The following FRMPD4 variants were observed in gnomAD, a reference collection of about 807,000 sequenced individuals.
FRMPD4 encodes the protein FERM and PDZ domain containing 4.
Under a neutral mutation model 94.1 loss-of-function variants are expected in FRMPD4, and 22 were observed. The ratio of observed to expected loss-of-function variants is 0.23; its 90% CI spans 0.17 to 0.33. FRMPD4 has a LOEUF of 0.33. Ranked by LOEUF, FRMPD4 falls within the 10% of genes least tolerant of loss-of-function variation. The probability of loss-of-function intolerance (pLI) is 1.00; values close to 1 mark genes in which losing one functional copy is unlikely to be tolerated. For synonymous variants in FRMPD4, 631 were observed against 548.6 expected, an observed-to-expected ratio of 1.15 and a Z score of -2.10; for missense variants, 1,111 against 1,339.9, an observed-to-expected ratio of 0.83 and a Z score of 2.67.
chrX:12,542,834 A>G (rs1239487919), intron 2 of FRMPD4, among the ~76,000 whole-genome samples: 6 of 112,087 alleles, frequency 5.4e-5, no homozygotes, highest in Non-Finnish European at 9.4e-5. Flanking sequence ...CCTGACTTCA[A>G]ACTATACTAC....
intron 1 of FRMPD4, among the ~76,000 whole-genome samples, chrX:12,390,733 A>G (rs1473967337): frequency 8.9e-6 from 1 of 111,928 alleles, no homozygotes; most frequent in East Asian, 2.8e-4. Context: ...CTGTACTGTG[A>G]TGAGTCACTC....
chrX:12,230,993 AGT>A (rs1431020762), intron 1 of FRMPD4, among the ~76,000 whole-genome samples: 853 of 58,352 alleles, frequency 0.015, 30 homozygotes, highest in African/African-American at 0.03. Flanking sequence ...TAGTATATAT[AGT>A]ATATATAATA....
At chrX:12,314,858 A>G (rs1299122055) in intron 1 of FRMPD4, among the ~76,000 whole-genome samples, 1 of 111,905 alleles carries the variant, frequency 8.9e-6, no homozygotes, top group Non-Finnish European at 1.9e-5. Context: ...ACAGTTGCTA[A>G]ATATAATTGC....
At chrX:12,679,297 G>C (rs11095580) in intron 5 of FRMPD4, among the ~76,000 whole-genome samples, 3 of 110,603 alleles carry the variant, frequency 2.7e-5, no homozygotes, top group Non-Finnish European at 5.7e-5. Flanking sequence ...GGAGACATGC[G>C]GGAAAAAGAA....
At chrX:12,077,069 C>T (rs2055025317) in intron 3 of FRMPD4, among the ~76,000 whole-genome samples, 1 of 111,584 alleles carries the variant, frequency 9.0e-6, no homozygotes, top group South Asian at 3.7e-4. Flanking sequence ...TTTATTAATT[C>T]ATTTTTCTCA....
Position 11,868,394 on chromosome X carries a change from T to A in FRMPD4, c.-30+3178T>A, listed in dbSNP as rs781050999. 1.4e-4 allele frequency among the ~76,000 whole-genome samples: 16 copies of A among 112,127 alleles called. No individual in the cohort carries two copies. In the South Asian group the frequency reaches 5.6e-3, roughly 40 times the overall value. ...TGGAGGCTGGTCCTGGAAATCCTTA[T>A]GGCTCACATCTGGTTATAAGATGAT... On this transcript the variant is annotated intron_variant, in intron 2 of 18. Transcript: ENST00000640291.
chrX:12,092,784 A>C (rs770026117), intron 3 of FRMPD4, among the ~76,000 whole-genome samples: 84 of 111,792 alleles, frequency 7.5e-4, no homozygotes, highest in Non-Finnish European at 1.2e-3. Flanking sequence ...ATCAGGTCAG[A>C]CAAAAGCCTC....
At chrX:12,277,120 CAAAAAA>C (rs765802561) in intron 1 of FRMPD4, among the ~76,000 whole-genome samples, 2 of 46,796 alleles carry the variant, frequency 4.3e-5, no homozygotes, top group Admixed American at 2.6e-4. Flanking sequence ...GACTCCGTCT[CAAAAAA>C]AAAAAAAAAA....
At chrX:11,996,128 AT>A (rs1432808278) in intron 3 of FRMPD4, among the ~76,000 whole-genome samples, 1 of 112,146 alleles carries the variant, frequency 8.9e-6, no homozygotes, top group African/African-American at 3.2e-5. Context: ...AGAAAAAAAA[AT>A]AAAGCAGACA....
intron 1 of FRMPD4, among the ~76,000 whole-genome samples, chrX:12,496,567 C>T (rs1271404916): frequency 1.8e-5 from 2 of 112,291 alleles, no homozygotes; most frequent in Non-Finnish European, 3.8e-5. Flanking sequence ...GCATAGGAAC[C>T]GGAGCCAAAT....
At chrX:12,165,226 A>G (rs1400067317) in intron 1 of FRMPD4, among the ~76,000 whole-genome samples, 1 of 112,332 alleles carries the variant, frequency 8.9e-6, no homozygotes, top group East Asian at 2.8e-4. Flanking sequence ...TAATTTTTGT[A>G]TAAGGTGTAA....
intron 3 of FRMPD4, among the ~76,000 whole-genome samples, chrX:12,054,002 A>G (rs1436120214): frequency 1.8e-5 from 2 of 111,690 alleles, no homozygotes; most frequent in Admixed American, 9.5e-5. Context: ...TCTTCTCTTT[A>G]TGCTATGTCT....
chrX:12,249,095 C>T (rs1342365971), intron 1 of FRMPD4, among the ~76,000 whole-genome samples: 3 of 112,717 alleles, frequency 2.7e-5, no homozygotes, highest in Non-Finnish European at 3.7e-5. Context: ...GACTTTTAAG[C>T]GTACAAGATT....
chrX:12,397,024 G>C (rs975033635), intron 1 of FRMPD4, among the ~76,000 whole-genome samples: 2 of 111,332 alleles, frequency 1.8e-5, no homozygotes, highest in Non-Finnish European at 3.8e-5. Context: ...GCTCTCAAGA[G>C]TTCACATATG....
chrX:12,450,758 A>T (rs925475329), intron 1 of FRMPD4, among the ~76,000 whole-genome samples: 2 of 108,941 alleles, frequency 1.8e-5, no homozygotes, highest in Non-Finnish European at 3.8e-5. Flanking sequence ...ACCATCTACT[A>T]AACTGAGATA....
At chrX:11,970,335 A>G (rs761101739) in intron 3 of FRMPD4, among the ~76,000 whole-genome samples, 1 of 111,936 alleles carries the variant, frequency 8.9e-6, no homozygotes, top group South Asian at 3.8e-4. Flanking sequence ...GTTGATCACA[A>G]CCATTAGACC....
intron 1 of FRMPD4, among the ~76,000 whole-genome samples, chrX:12,331,617 ATAT>A (rs1204975491): frequency 2.4e-5 from 2 of 84,247 alleles, no homozygotes; most frequent in East Asian, 6.8e-4. Flanking sequence ...TATAATATAT[ATAT>A]TATATTACAT....
At chrX:11,987,459 G>A (rs1473358856) in intron 3 of FRMPD4, among the ~76,000 whole-genome samples, 1 of 111,497 alleles carries the variant, frequency 9.0e-6, no homozygotes, top group Non-Finnish European at 1.9e-5. Flanking sequence ...CTCACAGCTA[G>A]TATCATACTA....
chrX:12,582,906 T>C (rs2058883115), intron 2 of FRMPD4, among the ~76,000 whole-genome samples: 1 of 112,055 alleles, frequency 8.9e-6, no homozygotes, highest in Non-Finnish European at 1.9e-5. Context: ...GCTGCCTTTT[T>C]AACTGGATTC....
Sources: allele counts gnomAD v4.1 joint callset (sites outside exome capture counted in the v4.1 genomes callset), GRCh38; gene constraint gnomAD v4.1.1; transcripts MANE v1.5; gene names NCBI Gene and HGNC (gene_info 2026-07-23, HGNC 2026-07-21).